ASTN2: variants seen among roughly 807,000 people sequenced by gnomAD.
ASTN2 encodes the protein astrotactin 2, also known as astrotactin-2.
A neutral mutation model predicts 139.8 loss-of-function variants in ASTN2; 54 were observed. That is an observed-to-expected ratio of 0.39 (90% confidence interval 0.31 to 0.48). The LOEUF is 0.48. Among genes scored for constraint, ASTN2 ranks in the 20% least tolerant of loss-of-function variants. The probability of loss-of-function intolerance (pLI) is 0.95; values close to 1 mark genes in which losing one functional copy is unlikely to be tolerated. For synonymous variants in ASTN2, 756 were observed against 719.5 expected (o/e 1.05, Z -0.81); for missense variants, 1,565 against 1,725.1 (o/e 0.91, Z 1.64).
intron 13 of ASTN2, among the ~76,000 whole-genome samples, chr9:116,735,345 A>G (rs1354482132): frequency 6.6e-6 from 1 of 152,220 alleles, no homozygotes; most frequent in Non-Finnish European, 1.5e-5. Context: ...ATTTAAAAAG[A>G]CAGGCTTCTG....
intron 6 of ASTN2, among the ~76,000 whole-genome samples, chr9:117,027,545 C>T (rs141952403): frequency 6.6e-6 from 1 of 152,212 alleles, no homozygotes; most frequent in Non-Finnish European, 1.5e-5. Context: ...CCTTCTTGTC[C>T]TCCCTCTCTC....
At chr9:117,021,706 G>C (rs1043489325) in intron 6 of ASTN2, among the ~76,000 whole-genome samples, 4 of 152,048 alleles carry the variant, frequency 2.6e-5, no homozygotes, top group Non-Finnish European at 5.9e-5. Flanking sequence ...AGTTAAATGG[G>C]CCTTGGTTCC....
intron 19 of ASTN2, among the ~76,000 whole-genome samples, chr9:116,576,257 C>T (rs900385170): frequency 7.9e-5 from 12 of 152,124 alleles, no homozygotes; most frequent in Non-Finnish European, 1.3e-4. Context: ...ACTAGGCATA[C>T]GACCTGGTGT....
intron 3 of ASTN2, among the ~76,000 whole-genome samples, chr9:117,210,069 C>CA (rs745379603): frequency 6.6e-6 from 1 of 151,978 alleles, no homozygotes; most frequent in East Asian, 1.9e-4. Flanking sequence ...TATTAAGAGG[C>CA]AAATTTATAG....
Position 116,978,495 on chromosome 9 carries a change from G to A in ASTN2, c.1592-1710C>T, listed in dbSNP as rs549090372. On this transcript the variant is annotated intron_variant, in intron 7 of 22. Coordinates refer to ENST00000313400, the MANE Select transcript of ASTN2 (RefSeq NM_001365068.1). ...ATCTCTCTCTCTCTCTCTCTCTCAC[G>A]CACACACACACACACACACACACAC... Among the ~76,000 whole-genome samples, 325 of 127,704 alleles carry A rather than the reference G, an allele frequency of 2.5e-3. 1 individual carries two copies. The highest frequency in any genetic ancestry group is 7.7e-3 in the Middle Eastern group (2 of 260). The allele number at this position is 127,704 out of a possible 152,430, so 83.8% of individuals were successfully genotyped here.
intron 14 of ASTN2, among the ~76,000 whole-genome samples, chr9:116,729,629 AC>A (rs1247430189): frequency 6.6e-5 from 10 of 152,352 alleles, no homozygotes; most frequent in African/African-American, 2.2e-4. Context: ...AATACAAACC[AC>A]CTGCAAAGGC....
chr9:117,241,896 A>G (rs1833218307), intron 2 of ASTN2, among the ~76,000 whole-genome samples: 1 of 151,696 alleles, frequency 6.6e-6, no homozygotes, highest in African/African-American at 2.4e-5. Context: ...ACCATCCAAA[A>G]ATGCAGACTG....
At chr9:116,675,960 G>A (rs1859475383) in intron 16 of ASTN2, among the ~76,000 whole-genome samples, 1 of 152,166 alleles carries the variant, frequency 6.6e-6, no homozygotes, top group African/African-American at 2.4e-5. Context: ...TGTCTGTTTT[G>A]TTATGTGTAT....
At chr9:116,675,359 T>G (rs888334804) in intron 16 of ASTN2, among the ~76,000 whole-genome samples, 32 of 152,072 alleles carry the variant, frequency 2.1e-4, no homozygotes, top group African/African-American at 7.5e-4. Context: ...TCCCAGCTGG[T>G]CTGTAGCCCT....
intron 11 of ASTN2, among the ~76,000 whole-genome samples, chr9:116,831,891 T>C (rs1831825488): frequency 6.6e-6 from 1 of 152,192 alleles, no homozygotes; most frequent in African/African-American, 2.4e-5. Flanking sequence ...GCTATCCAAT[T>C]CGTGAATACG....
chr9:117,116,425 C>T (rs1829392382), intron 4 of ASTN2, among the ~76,000 whole-genome samples: 1 of 152,088 alleles, frequency 6.6e-6, no homozygotes, highest in Non-Finnish European at 1.5e-5. Flanking sequence ...GATGGAGGCA[C>T]TACAGGGTCT....
chr9:117,264,550 A>G (rs1425378971), intron 2 of ASTN2, among the ~76,000 whole-genome samples: 3 of 152,204 alleles, frequency 2.0e-5, no homozygotes. Flanking sequence ...TTTATATTCA[A>G]TCAGAAAAAT....
chr9:117,177,854 G>A (rs371092865), intron 3 of ASTN2, among the ~76,000 whole-genome samples: 1 of 152,238 alleles, frequency 6.6e-6, no homozygotes. Context: ...AGTGGTAGGT[G>A]GGGCCCCTTC....
chr9:116,568,239 G>C (rs1268157819), intron 19 of ASTN2, among the ~76,000 whole-genome samples: 13 of 152,298 alleles, frequency 8.5e-5, no homozygotes, highest in African/African-American at 2.6e-4. Context: ...TTAGCAGGTA[G>C]AAAACCTTCC....
intron 1 of ASTN2, among the ~76,000 whole-genome samples, chr9:117,348,113 T>C (rs954428554): frequency 3.3e-5 from 5 of 152,148 alleles, no homozygotes; most frequent in African/African-American, 9.7e-5. Context: ...AGCATGAAGG[T>C]AGGTAACTGG....
At chr9:116,474,525 G>A (rs1848916983) in intron 20 of ASTN2, among the ~76,000 whole-genome samples, 1 of 152,144 alleles carries the variant, frequency 6.6e-6, no homozygotes, top group Non-Finnish European at 1.5e-5. Context: ...GGTAATCCCT[G>A]CAGTCCACTA....
At chr9:117,083,645 C>T (rs576131449) in intron 5 of ASTN2, among the ~76,000 whole-genome samples, 1 of 152,300 alleles carries the variant, frequency 6.6e-6, no homozygotes, top group Admixed American at 6.5e-5. Context: ...AGCAAAGAGT[C>T]ACAGTCTCTC....
intron 3 of ASTN2, chr9:117,180,915 G>A: frequency 6.3e-7 from 1 of 1,593,534 alleles, no homozygotes; most frequent in South Asian, 1.1e-5. Context: ...CATGCTCCTT[G>A]TTCTGCAGCT....
chr9:117,245,472 ACT>A (rs1833352792), intron 2 of ASTN2, among the ~76,000 whole-genome samples: 1 of 151,984 alleles, frequency 6.6e-6, no homozygotes, highest in African/African-American at 2.4e-5. Flanking sequence ...GACAGAGCCT[ACT>A]CCATCTAGTC....
Sources: gnomAD v4.1 joint callset for allele counts (sites outside exome capture counted in the v4.1 genomes callset) on GRCh38, gnomAD v4.1.1 for gene constraint, MANE v1.5 for transcripts, NCBI Gene and HGNC (gene_info 2026-07-23, HGNC 2026-07-21) for gene names.